Variants in SLC22A2 observed in about 807,000 individuals in gnomAD.
The protein encoded by SLC22A2 is organic cation transporter 2.
SLC22A2 carries 46 observed loss-of-function variants against 60.5 expected under a neutral mutation model. That is an observed-to-expected ratio of 0.76 (90% CI 0.60 to 0.97). The LOEUF is 0.97. Ranked by LOEUF, SLC22A2 falls within the 50% of genes least tolerant of loss-of-function variation. The pLI is 0.00. For synonymous variants in SLC22A2, 303 were observed against 267.0 expected, an observed-to-expected ratio of 1.13 and a Z score of -1.31; for missense variants, 701 against 706.6, an observed-to-expected ratio of 0.99 and a Z score of 0.09.
chr6:160,237,333 T>A (rs1782926037), intron 9 of SLC22A2, among the ~76,000 whole-genome samples: 2 of 152,206 alleles, frequency 1.3e-5, no homozygotes, highest in Non-Finnish European at 2.9e-5. Context: ...TTTGCTTATT[T>A]TTCTTTACTG....
intron 2 of SLC22A2, 91 bp downstream of exon 2, chr6:160,256,523 A>G (rs1052111409): frequency 2.4e-6 from 2 of 828,166 alleles, no homozygotes; most frequent in Admixed American, 3.7e-5. Context: ...TGTGCTTGGG[A>G]AAGGATGGGA....
At chr6:160,218,257 A>G in intron 10 of SLC22A2, 1 of 302,842 alleles carries the variant, frequency 3.3e-6, no homozygotes, top group Non-Finnish European at 6.5e-6. Context: ...GGTAAAATCA[A>G]GTCAGTTGAG....
At chr6:160,224,683 T>C (rs745782816) in intron 10 of SLC22A2, 22 bp downstream of exon 10, 1 of 1,523,962 alleles carries the variant, frequency 6.6e-7, no homozygotes, top group Non-Finnish European at 9.0e-7. Flanking sequence ...GAACAATTCA[T>C]TTAGAACTTT....
intron 1 of SLC22A2, among the ~76,000 whole-genome samples, chr6:160,257,558 C>T (rs892276400): frequency 6.6e-6 from 1 of 152,086 alleles, no homozygotes; most frequent in African/African-American, 2.4e-5. Flanking sequence ...TGCCACATTT[C>T]CTGTAAATAT....
intron 10 of SLC22A2, among the ~76,000 whole-genome samples, chr6:160,221,668 A>G (rs149062703): frequency 6.6e-6 from 1 of 152,156 alleles, no homozygotes; most frequent in East Asian, 1.9e-4. Context: ...CCTAATTTCA[A>G]TATGGTTGTG....
In SLC22A2 at chr6:160,258,486, C is replaced by G; in HGVS notation, c.272G>C (p.Arg91Pro). The G allele has an allele frequency of 6.2e-7, 1 of 1,614,158 alleles. No homozygotes were observed. Among genetic ancestry groups the G allele is most frequent in the Non-Finnish European group, 8.5e-7 (1 of 1,180,024 alleles). ...GCTCTGGTTCCAGTCCACCTCGTAG[C>G]GCCTACACTGTCTTGGGGAGGCTTC... ...AGEASPRQCRRYEVDWNQSTF... is the reference protein window; with the variant it reads ...AGEASPRQCRPYEVDWNQSTF... The change falls in exon 1 of 11, where the codon CGC (arginine) becomes CCC (proline). Residue 91 changes from arginine to proline, a missense_variant. By Grantham distance (103) the Arg-to-Pro change is moderately radical. Transcript: ENST00000366953.
At chr6:160,242,124 C>G (rs902680101) in intron 8 of SLC22A2, among the ~76,000 whole-genome samples, 170 bp downstream of exon 8, 3 of 152,124 alleles carry the variant, frequency 2.0e-5, no homozygotes, top group East Asian at 1.9e-4. Context: ...TTTACCCCAG[C>G]CTGTAAGTGT....
At chr6:160,232,846 C>A (rs907904113) in intron 9 of SLC22A2, among the ~76,000 whole-genome samples, 1 of 151,930 alleles carries the variant, frequency 6.6e-6, no homozygotes. Flanking sequence ...CTACTCCCCA[C>A]TGAAACTTCC....
chr6:160,249,372 A>G lies in SLC22A2; in HGVS notation c.686T>C (p.Val229Ala), dbSNP rs760713273. Residue 229 changes from valine to alanine, a missense_variant, in exon 4 of 11, where the codon GTT becomes GCT. By Grantham distance (64) the Val-to-Ala change is moderately conservative. Transcript: ENST00000366953. ...CACTGTTCTCCGATATCTCCGCCCAACAAATTCTGTAACTGCAGAGAGAAT... is the reference window on the plus strand; with the variant it reads ...CACTGTTCTCCGATATCTCCGCCCAGCAAATTCTGTAACTGCAGAGAGAAT... ...LIGYILITEF[V>A]GRRYRRTVGI... 3.7e-6 allele frequency: 6 copies of G among 1,613,182 alleles called. No individual in the cohort carries two copies. The highest frequency in any genetic ancestry group is 5.1e-6 in the Non-Finnish European group (6 of 1,179,636).
intron 7 of SLC22A2, 110 bp from the exon 8 acceptor site, chr6:160,242,512 GA>G (rs1783026515): frequency 5.7e-6 from 4 of 702,626 alleles, no homozygotes; most frequent in Non-Finnish European, 1.0e-5. Context: ...AATGGGACAA[GA>G]AAGAAAAATG....
chr6:160,218,421 T>G, intron 10 of SLC22A2: 1 of 209,244 alleles, frequency 4.8e-6, no homozygotes, highest in Non-Finnish European at 9.1e-6. Flanking sequence ...GCAACAACAG[T>G]AATTACAGCA....
At chr6:160,237,491 C>T (rs919371494) in intron 9 of SLC22A2, among the ~76,000 whole-genome samples, 1 of 152,152 alleles carries the variant, frequency 6.6e-6, no homozygotes, top group African/African-American at 2.4e-5. Context: ...GAATGGCCCT[C>T]ACCATACTGA....
intron 2 of SLC22A2, among the ~76,000 whole-genome samples, chr6:160,253,069 G>T (rs316011): frequency 0.71 from 108,295 of 151,788 alleles, 39,849 homozygotes; most frequent in Admixed American, 0.82. Flanking sequence ...GCCTGGGAGG[G>T]TTCTTGGCTT....
Position 160,256,718 on chromosome 6 carries a change from C to T in SLC22A2, c.415-1G>A, listed in dbSNP as rs373327819. On this transcript the variant is annotated splice_acceptor_variant, in intron 1 of 10. Transcript: ENST00000366953. LOFTEE classifies it high-confidence loss of function. ...AGGAGTTGGCACATACCAGGTTAAA[C>T]TGCCAGCAGGGGAGAAGTGTTCCAA... is the stretch of plus-strand genomic sequence containing the variant. The T allele has an allele frequency of 6.2e-7, 1 of 1,606,634 alleles. No homozygotes were observed. The highest frequency in any genetic ancestry group is 8.5e-7 in the Non-Finnish European group (1 of 1,173,348).
chr6:160,245,630 C>CT (rs397763795), intron 5 of SLC22A2, 85 bp from the exon 6 acceptor site: 21 of 691,524 alleles, frequency 3.0e-5, no homozygotes, highest in African/African-American at 1.5e-4. Context: ...AATTTCTTAC[C>CT]GTCCTGAGCG....
At chr6:160,234,357 G>A (rs1229600766) in intron 9 of SLC22A2, among the ~76,000 whole-genome samples, 2 of 152,156 alleles carry the variant, frequency 1.3e-5, no homozygotes, top group Admixed American at 6.5e-5. Context: ...GCTTGAGAGC[G>A]GATAGGACTG....
At chr6:160,254,192 T>A (rs1438109100) in intron 2 of SLC22A2, among the ~76,000 whole-genome samples, 1 of 151,992 alleles carries the variant, frequency 6.6e-6, no homozygotes, top group Non-Finnish European at 1.5e-5. Context: ...GCAGGAGAAT[T>A]GCTTGAACCC....
At chr6:160,228,401 C>A (rs1222135769) in intron 9 of SLC22A2, among the ~76,000 whole-genome samples, 1 of 152,110 alleles carries the variant, frequency 6.6e-6, no homozygotes, top group African/African-American at 2.4e-5. Flanking sequence ...GGTTAAAAGT[C>A]CCTCTTAATA....
rs1782557187 is a variant in SLC22A2 at position 160,217,374 on chromosome 6, T to A, written c.*58A>T. 3.6e-6 allele frequency: 4 copies of A among 1,113,768 alleles called. No individual in the cohort carries two copies. The highest frequency in any genetic ancestry group is 5.4e-6 in the Non-Finnish European group (4 of 736,976). 69.0% of individuals were successfully genotyped at this position (1,113,768 alleles called of 1,614,324 possible). On this transcript the variant is annotated 3_prime_UTR_variant, in exon 11 of 11. Coordinates refer to ENST00000366953, the MANE Select transcript of SLC22A2 (RefSeq NM_003058.4). ...GCTTTGTGATGAGTGCAGGGATTTC[T>A]ACTTTTGGTCTTGCTGCCATCAAAG...
Sources: allele counts gnomAD v4.1 joint callset (sites outside exome capture counted in the v4.1 genomes callset), GRCh38; gene constraint gnomAD v4.1.1; transcripts MANE v1.5; gene names NCBI Gene and HGNC (gene_info 2026-07-23, HGNC 2026-07-21).